The following DNAH8 variants were observed in gnomAD, a reference collection of about 807,000 sequenced individuals.
The protein encoded by DNAH8 is axonemal beta dynein heavy chain 8.
Under a neutral mutation model 562.1 loss-of-function variants are expected in DNAH8, and 382 were observed. The ratio of observed to expected loss-of-function variants is 0.68; its 90% CI spans 0.63 to 0.74. DNAH8 has a LOEUF of 0.74. DNAH8 is among the 30% of genes least tolerant of loss of function. The pLI is 0.00. For synonymous variants in DNAH8, 1,881 were observed against 1,919.4 expected, an observed-to-expected ratio of 0.98 and a Z score of 0.52; for missense variants, 5,203 against 5,620.4, an observed-to-expected ratio of 0.93 and a Z score of 2.37.
rs181564549 is a variant in DNAH8, at chr6:38,769,467, A to G, written c.1618-946A>G. ...TGTTTTGGAGATTGTGATAGAGGAA[A>G]GAATGAGGCCAATTATTCTCAGATC... On this transcript the variant is annotated intron_variant, in intron 11 of 92. Coordinates refer to ENST00000327475, the MANE Select transcript of DNAH8 (RefSeq NM_001206927.2). 1.8e-3 allele frequency among the ~76,000 whole-genome samples: 272 copies of G among 152,202 alleles called. 1 individual carries two copies. Among genetic ancestry groups the G allele is most frequent in the African/African-American group, 6.3e-3 (262 of 41,564 alleles).
At position 38,723,373 on chromosome 6, in the gene DNAH8, A is replaced by G. The variant is rs1204336259; in HGVS notation, c.427A>G (p.Lys143Glu). ...FREARESRRL[K>E]IDPSYKYIFE... ...AGAGGCAAGGGAAAGCCGAAGACTGAAAATTGACCCTTCATACAAATATAT... is the reference window on the plus strand; with the variant it reads ...AGAGGCAAGGGAAAGCCGAAGACTGGAAATTGACCCTTCATACAAATATAT... The change falls in exon 3 of 93, where the codon AAA (lysine) becomes GAA (glutamate). Residue 143 changes from lysine (K) to glutamate (E), a missense_variant. Lys to Glu is a moderately conservative substitution (Grantham distance 56). Around this residue, in one of 6 missense-constraint regions of DNAH8, gnomAD observed 556 missense variants for 496.9 expected, o/e 1.12. Coordinates refer to ENST00000327475, the MANE Select transcript of DNAH8 (RefSeq NM_001206927.2). 1 of 1,611,842 alleles carries G rather than the reference A, an allele frequency of 6.2e-7. No individual in the cohort carries two copies. Among genetic ancestry groups the G allele is most frequent in the South Asian group, 1.1e-5 (1 of 90,528 alleles).
intron 1 of DNAH8, among the ~76,000 whole-genome samples, chr6:38,715,950 A>ATTTTTTTTTTTTTTTT (rs70981580): frequency 3.2e-5 from 1 of 31,252 alleles, no homozygotes; most frequent in African/African-American, 1.8e-4. Flanking sequence ...ATATATATAT[A>ATTTTTTTTTTTTTTTT]TATATATATA....
chr6:38,732,682 C>T (rs1763745797), intron 4 of DNAH8, among the ~76,000 whole-genome samples: 1 of 152,018 alleles, frequency 6.6e-6, no homozygotes, highest in Non-Finnish European at 1.5e-5. Flanking sequence ...CTCTCAAATC[C>T]CTTTTTTTCT....
chr6:38,802,686 C>T (rs1432770675), intron 21 of DNAH8, among the ~76,000 whole-genome samples: 1 of 152,196 alleles, frequency 6.6e-6, no homozygotes, highest in East Asian at 1.9e-4. Flanking sequence ...ATATTACTCA[C>T]CCCATTACTC....
At chr6:38,739,980 A>C (rs1764396467) in intron 7 of DNAH8, among the ~76,000 whole-genome samples, 1 of 152,178 alleles carries the variant, frequency 6.6e-6, no homozygotes, top group African/African-American at 2.4e-5. Flanking sequence ...TAAATTGTTT[A>C]ATAGTCCATT....
intron 41 of DNAH8, among the ~76,000 whole-genome samples, chr6:38,856,984 C>T (rs573382027): frequency 6.6e-6 from 1 of 152,238 alleles, no homozygotes; most frequent in South Asian, 2.1e-4. Flanking sequence ...CATCAGGATA[C>T]AAAGAATACA....
At chr6:38,733,674 G>T (rs1479522633) in intron 4 of DNAH8, among the ~76,000 whole-genome samples, 1 of 152,170 alleles carries the variant, frequency 6.6e-6, no homozygotes, top group Non-Finnish European at 1.5e-5. Flanking sequence ...ACTTTGAGAG[G>T]CTGAGCCGGG....
At chr6:38,751,661 C>T (rs1372779870) in intron 9 of DNAH8, among the ~76,000 whole-genome samples, 1 of 152,076 alleles carries the variant, frequency 6.6e-6, no homozygotes, top group East Asian at 1.9e-4. Flanking sequence ...TTAGCACTAC[C>T]ATTTGCTTTT....
At chr6:38,921,733 C>G (rs1781718383) in intron 71 of DNAH8, among the ~76,000 whole-genome samples, 1 of 151,778 alleles carries the variant, frequency 6.6e-6, no homozygotes, top group Non-Finnish European at 1.5e-5. Context: ...AGCTCAGACA[C>G]TTGTTAATTG....
intron 56 of DNAH8, 51 bp downstream of exon 56, chr6:38,884,049 A>T (rs1482825969): frequency 9.1e-6 from 10 of 1,096,184 alleles, no homozygotes; most frequent in Non-Finnish European, 1.2e-5. Flanking sequence ...ATTTTTATGT[A>T]TATATATTAT....
intron 28 of DNAH8, among the ~76,000 whole-genome samples, chr6:38,825,097 G>A (rs1403510511): frequency 3.3e-5 from 5 of 152,162 alleles, no homozygotes; most frequent in African/African-American, 1.2e-4. Flanking sequence ...TCTAAAAATG[G>A]AAGAGGTGAT....
At chr6:38,787,695 C>CAAAA (rs67293877) in intron 18 of DNAH8, among the ~76,000 whole-genome samples, 6 of 79,614 alleles carry the variant, frequency 7.5e-5, no homozygotes, top group East Asian at 3.8e-4. Context: ...GACTCCATCT[C>CAAAA]AAAAAAAAAA....
chr6:38,781,138 T>C, intron 15 of DNAH8, 116 bp from the exon 16 acceptor site: 1 of 1,062,828 alleles, frequency 9.4e-7, no homozygotes, highest in African/African-American at 1.6e-5. Context: ...ATTTATTGAC[T>C]ACCTACTGTA....
chr6:38,838,650 C>T (rs986072962), intron 33 of DNAH8, among the ~76,000 whole-genome samples: 8 of 148,490 alleles, frequency 5.4e-5, no homozygotes, highest in African/African-American at 1.5e-4. Flanking sequence ...CCGCCTGCCT[C>T]GGCCTCCCAA....
At chr6:38,843,090 A>G (rs896796308) in intron 35 of DNAH8, among the ~76,000 whole-genome samples, 187 bp downstream of exon 35, 6 of 152,208 alleles carry the variant, frequency 3.9e-5, no homozygotes, top group Non-Finnish European at 8.8e-5. Flanking sequence ...ATGAGATTAT[A>G]TGATTATTTG....
chr6:38,930,473 T>G (rs1322071071), intron 75 of DNAH8, among the ~76,000 whole-genome samples: 1 of 152,188 alleles, frequency 6.6e-6, no homozygotes, highest in East Asian at 1.9e-4. Context: ...ATCTTTTATA[T>G]GCCGCATTTT....
Position 38,723,094 on chromosome 6 carries a change from A to T in DNAH8, c.285A>T (p.Ser95=), listed in dbSNP as rs780218121. 6 of 1,612,800 alleles carry T rather than the reference A, an allele frequency of 3.7e-6. No homozygotes were observed. Among genetic ancestry groups the T allele is most frequent in the Admixed American group, 1.7e-5 (1 of 60,004 alleles). ...RQRLAPRPVQ[S]VISEVLSLPS... ...GGCTTGCACCGCGACCGGTTCAGTC[A>T]GTGATTTCGGAAGTGCTGTCCTTGC... The change falls in exon 2 of 93, where the codon TCA becomes TCT. Residue 95 remains serine (S), a synonymous_variant. Coordinates refer to ENST00000327475, the MANE Select transcript of DNAH8 (RefSeq NM_001206927.2).
In DNAH8 at chr6:38,906,576, C is replaced by T. The variant is rs1583319570; in HGVS notation, c.9348+169C>T. On this transcript the variant is annotated intron_variant, in intron 63 of 92. Transcript: ENST00000327475. ...TTCTGAAGTTCCTGTGAAATGAATGCTGCCCATCTCCAGATGCTTTGTTTA... is the reference window on the plus strand; with the variant it reads ...TTCTGAAGTTCCTGTGAAATGAATGTTGCCCATCTCCAGATGCTTTGTTTA... 1.3e-5 allele frequency among the ~76,000 whole-genome samples: 2 copies of T among 152,166 alleles called. 1 individual carries two copies.
At chr6:38,772,029 C>CTTTT (rs34980133) in intron 12 of DNAH8, among the ~76,000 whole-genome samples, 137 of 131,904 alleles carry the variant, frequency 1.0e-3, no homozygotes, top group African/African-American at 2.5e-3. Context: ...TTTATGATTT[C>CTTTT]TTTTTTTTTT....
Sources: gnomAD v4.1 joint callset for allele counts (sites outside exome capture counted in the v4.1 genomes callset) on GRCh38, gnomAD v4.1.1 for gene constraint, gnomAD v4.1.1 regional missense constraint, MANE v1.5 for transcripts, NCBI Gene and HGNC (gene_info 2026-07-23, HGNC 2026-07-21) for gene names.